FAT3: variants seen among roughly 807,000 people sequenced by gnomAD.
The protein encoded by FAT3 is FAT atypical cadherin 3, also known as protocadherin Fat 3.
Under a neutral mutation model 310.2 loss-of-function variants are expected in FAT3, and 95 were observed. That is an observed-to-expected ratio of 0.31 (90% CI 0.26 to 0.36). The LOEUF (loss-of-function observed/expected upper bound fraction) is 0.36. FAT3 is among the 10% of genes least tolerant of loss of function. The pLI is 1.00. For missense variants in FAT3, 5,408 were observed against 5,715.6 expected (o/e 0.95, Z 1.74); for synonymous variants, 2,314 against 2,192.9 (o/e 1.06, Z -1.54).
chr11:92,404,754 ATGCCCTCACCATTG>A (rs1408109484), intron 2 of FAT3, among the ~76,000 whole-genome samples: 1 of 151,974 alleles, frequency 6.6e-6, no homozygotes, highest in Non-Finnish European at 1.5e-5. Context: ...TCAGTAAAGA[ATGCCCTCACCATTG>A]TGGGTGAGTA....
At chr11:92,434,499 T>C (rs1244122835) in intron 2 of FAT3, among the ~76,000 whole-genome samples, 1 of 152,184 alleles carries the variant, frequency 6.6e-6, no homozygotes, top group Admixed American at 6.5e-5. Context: ...GTCATTACTC[T>C]AGAAACCTCT....
At chr11:92,797,222 C>T (rs537817641) in intron 9 of FAT3, among the ~76,000 whole-genome samples, 10 of 152,250 alleles carry the variant, frequency 6.6e-5, no homozygotes, top group Middle Eastern at 3.4e-3. Flanking sequence ...AATGACTTGC[C>T]AAGAATTCTC....
chr11:92,547,091 G>T lies in FAT3; in HGVS notation c.3607+22143G>T, dbSNP rs1208485887. 2.0e-5 allele frequency among the ~76,000 whole-genome samples: 3 copies of T among 152,176 alleles called. No individual in the cohort carries two copies. The East Asian group carries it at 5.8e-4, about 29-fold the overall frequency. On this transcript the variant is annotated intron_variant, in intron 3 of 27. Transcript: ENST00000525166. The stretch of plus-strand genomic sequence containing the variant: ...AGGTAACATTAGGGAGTGAAATGTG[G>T]CTGGTCATCGAGCTGCTTCTCCCAA...
chr11:92,627,519 G>T (rs1020403548), intron 3 of FAT3, among the ~76,000 whole-genome samples: 6 of 152,084 alleles, frequency 3.9e-5, no homozygotes, highest in Non-Finnish European at 8.8e-5. Flanking sequence ...TAGTTGGATG[G>T]GGTAGAGAGA....
At chr11:92,368,367 A>T (rs998112576) in intron 2 of FAT3, among the ~76,000 whole-genome samples, 3 of 152,160 alleles carry the variant, frequency 2.0e-5, no homozygotes, top group Non-Finnish European at 4.4e-5. Context: ...TTTCTTTTTC[A>T]TATAAACTTT....
At chr11:92,264,849 A>G (rs768026290) in intron 1 of FAT3, among the ~76,000 whole-genome samples, 1 of 152,148 alleles carries the variant, frequency 6.6e-6, no homozygotes, top group Non-Finnish European at 1.5e-5. Flanking sequence ...CACCTTTCCT[A>G]CTGTTAATCA....
intron 13 of FAT3, among the ~76,000 whole-genome samples, chr11:92,819,016 G>C (rs1028342171): frequency 6.6e-6 from 1 of 152,176 alleles, no homozygotes; most frequent in Non-Finnish European, 1.5e-5. Context: ...CAGGCACTGC[G>C]CCAAGTGCCT....
chr11:92,642,660 C>T (rs971698566), intron 3 of FAT3, among the ~76,000 whole-genome samples: 7 of 152,198 alleles, frequency 4.6e-5, no homozygotes, highest in African/African-American at 1.4e-4. Flanking sequence ...TGAGGATTGG[C>T]TGAGCATTTC....
chr11:92,377,419 T>C (rs1435029282), intron 2 of FAT3, among the ~76,000 whole-genome samples: 1 of 152,200 alleles, frequency 6.6e-6, no homozygotes, highest in Non-Finnish European at 1.5e-5. Flanking sequence ...CCATGTTGTG[T>C]ATTTTGTCTG....
At chr11:92,808,414 A>G (rs1947568052) in intron 12 of FAT3, among the ~76,000 whole-genome samples, 1 of 152,228 alleles carries the variant, frequency 6.6e-6, no homozygotes, top group Non-Finnish European at 1.5e-5. Flanking sequence ...GGACACTGCA[A>G]GTTATAGGAA....
At chr11:92,398,376 C>T (rs1949930348) in intron 2 of FAT3, among the ~76,000 whole-genome samples, 1 of 151,924 alleles carries the variant, frequency 6.6e-6, no homozygotes, top group Non-Finnish European at 1.5e-5. Context: ...TGGTGCATGC[C>T]TGTAATCCCA....
At chr11:92,299,192 A>G (rs2134419290) in intron 1 of FAT3, among the ~76,000 whole-genome samples, 1 of 152,222 alleles carries the variant, frequency 6.6e-6, no homozygotes, top group South Asian at 2.1e-4. Context: ...GGTGGGGTAC[A>G]AGATGGATTA....
chr11:92,606,326 G>C (rs1037144715), intron 3 of FAT3, among the ~76,000 whole-genome samples: 51 of 152,264 alleles, frequency 3.3e-4, no homozygotes, highest in Non-Finnish European at 6.5e-4. Context: ...CTTCCAGGTT[G>C]TTGGTTTGCA....
Position 92,353,881 on chromosome 11 carries a change from A to G in FAT3, c.1769A>G (p.Asp590Gly). The G allele has an allele frequency of 3.1e-6, 5 of 1,613,460 alleles. No homozygotes were observed. Among genetic ancestry groups the G allele is most frequent in the Non-Finnish European group, 4.2e-6 (5 of 1,179,590 alleles). ...GCTTGCCAGGGAGTTATTTCATATG[A>G]CTTTCCAGTTGGTGGTCACATCACA... is the stretch of plus-strand genomic sequence containing the variant. The part of the protein sequence containing the change: ...KVACQGVISY[D>G]FPVGGHITAV... Residue 590 changes from aspartate (D) to glycine (G), a missense_variant, in exon 2 of 28, where the codon GAC becomes GGC. By Grantham distance (94) the Asp-to-Gly change is moderately conservative. Transcript: ENST00000525166.
At chr11:92,328,995 C>T (rs1289626429) in intron 1 of FAT3, among the ~76,000 whole-genome samples, 1 of 152,058 alleles carries the variant, frequency 6.6e-6, no homozygotes. Flanking sequence ...ACTTAAAAAC[C>T]TTCAAACAAT....
At chr11:92,564,844 C>A (rs976182608) in intron 3 of FAT3, among the ~76,000 whole-genome samples, 3 of 142,798 alleles carry the variant, frequency 2.1e-5, no homozygotes, top group African/African-American at 7.7e-5. Flanking sequence ...CCAACGAGAA[C>A]AAAGACACAA....
chr11:92,725,226 A>G (rs1470691735), intron 4 of FAT3, among the ~76,000 whole-genome samples: 2 of 152,170 alleles, frequency 1.3e-5, no homozygotes, highest in Non-Finnish European at 2.9e-5. Flanking sequence ...GTTGTTCCCA[A>G]GAAATGGGCC....
chr11:92,775,498 G>A (rs1024899142), intron 7 of FAT3, among the ~76,000 whole-genome samples: 4 of 152,014 alleles, frequency 2.6e-5, no homozygotes, highest in African/African-American at 4.8e-5. Flanking sequence ...CATATAATAC[G>A]GGAGCCAGTG....
At chr11:92,467,858 G>T (rs1951808032) in intron 2 of FAT3, among the ~76,000 whole-genome samples, 2 of 152,192 alleles carry the variant, frequency 1.3e-5, no homozygotes, top group Admixed American at 6.5e-5. Flanking sequence ...TAAGAAGAAA[G>T]TAAAATACAA....
Sources: gnomAD v4.1 joint callset for allele counts (sites outside exome capture counted in the v4.1 genomes callset) on GRCh38, gnomAD v4.1.1 for gene constraint, MANE v1.5 for transcripts, NCBI Gene and HGNC (gene_info 2026-07-23, HGNC 2026-07-21) for gene names.